The following RYR3 variants were observed in gnomAD, a reference collection of about 807,000 sequenced individuals.
RYR3 encodes ryanodine receptor 3, also known as brain ryanodine receptor-calcium release channel.
Under a neutral mutation model 584.3 loss-of-function variants are expected in RYR3, and 207 were observed. The ratio of observed to expected loss-of-function variants is 0.35; its 90% CI spans 0.32 to 0.40. The LOEUF (loss-of-function observed/expected upper bound fraction) is 0.40. Ranked by LOEUF, RYR3 falls within the 10% of genes least tolerant of loss-of-function variation. RYR3 has a pLI of 1.00. For synonymous variants in RYR3, 2,416 were observed against 2,248.5 expected, an observed-to-expected ratio of 1.07 and a Z score of -2.11; for missense variants, 5,616 against 6,089.2, an observed-to-expected ratio of 0.92 and a Z score of 2.59.
At chr15:33,687,584 A>C (rs1188359568) in intron 38 of RYR3, among the ~76,000 whole-genome samples, 1 of 152,204 alleles carries the variant, frequency 6.6e-6, no homozygotes, top group African/African-American at 2.4e-5. Context: ...ATATGGAACC[A>C]AAAAAGAGCC....
intron 98 of RYR3, 31 bp from the exon 99 acceptor site, chr15:33,857,749 C>G (rs754825665): frequency 4.3e-6 from 7 of 1,613,436 alleles, no homozygotes; most frequent in Non-Finnish European, 5.9e-6. Flanking sequence ...AGACCCCACT[C>G]CTTTTCCTTT....
chr15:33,475,921 AC>A (rs1324274298), intron 2 of RYR3, among the ~76,000 whole-genome samples: 2 of 152,206 alleles, frequency 1.3e-5, no homozygotes, highest in African/African-American at 2.4e-5. Context: ...AATAAGGAAA[AC>A]TAATTACCTT....
intron 42 of RYR3, among the ~76,000 whole-genome samples, chr15:33,703,909 TATG>T (rs1262816729): frequency 3.3e-5 from 5 of 152,104 alleles, no homozygotes; most frequent in South Asian, 4.2e-4. Context: ...CCTTATCAAA[TATG>T]ATGTTTATCA....
chr15:33,385,291 CT>C (rs1002932200), intron 1 of RYR3, among the ~76,000 whole-genome samples: 13 of 151,670 alleles, frequency 8.6e-5, no homozygotes, highest in South Asian at 2.1e-4. Flanking sequence ...CTTAATAGTA[CT>C]TTTTTTTTCC....
At chr15:33,853,181 T>A (rs931750362) in intron 95 of RYR3, 94 bp downstream of exon 95, 1 of 1,093,008 alleles carries the variant, frequency 9.1e-7, no homozygotes, top group Non-Finnish European at 1.3e-6. Context: ...GTAAATGTGA[T>A]GCTACTTTTA....
At chr15:33,612,668 A>G (rs1320838593) in intron 18 of RYR3, among the ~76,000 whole-genome samples, 1 of 152,206 alleles carries the variant, frequency 6.6e-6, no homozygotes, top group Non-Finnish European at 1.5e-5. Flanking sequence ...CCTATGTAGC[A>G]TAGTTTAATG....
intron 49 of RYR3, among the ~76,000 whole-genome samples, chr15:33,736,755 T>C (rs2069503741): frequency 6.8e-6 from 1 of 147,918 alleles, no homozygotes; most frequent in Non-Finnish European, 1.5e-5. Context: ...GTTTTCTACT[T>C]TTTTTTTAAA....
rs1890149999 is a variant in RYR3, at chr15:33,865,358, A to AAATCTGTGCTATTTTGAAATTGATTT, written c.*133_*158dup. ...CCTCCCTTAAAAAAAAAACTGCTGAAAATCTGTGCTATTTTGAAATTGATT... is the reference window on the plus strand; with the variant it reads ...CCTCCCTTAAAAAAAAAACTGCTGAAAATCTGTGCTATTTTGAAATTGATTTAATCTGTGCTATTTTGAAATTGATT... On this transcript the variant is annotated 3_prime_UTR_variant, in exon 104 of 104. Transcript: ENST00000634891. 33 of 656,684 alleles carry AAATCTGTGCTATTTTGAAATTGATTT rather than the reference A, an allele frequency of 5.0e-5. 1 individual carries two copies. The South Asian group carries it at 6.0e-4, about 12-fold the overall frequency. The allele number at this position is 656,684 out of a possible 1,614,324, so 40.7% of individuals were successfully genotyped here. A position where few individuals can be genotyped will look rare whatever the true frequency, so the allele number is the denominator to read the frequency against.
chr15:33,639,540 G>T (rs569729055), intron 27 of RYR3, among the ~76,000 whole-genome samples: 34 of 152,258 alleles, frequency 2.2e-4, no homozygotes, highest in African/African-American at 6.5e-4. Context: ...AACATTTCAT[G>T]CATTGTAGCG....
chr15:33,533,624 A>G (rs891585284), intron 5 of RYR3, among the ~76,000 whole-genome samples: 6 of 152,260 alleles, frequency 3.9e-5, no homozygotes, highest in African/African-American at 1.4e-4. Flanking sequence ...AATCTCAAAG[A>G]AAAACAAATC....
chr15:33,424,664 C>A (rs1015968488), intron 1 of RYR3, among the ~76,000 whole-genome samples: 2 of 152,166 alleles, frequency 1.3e-5, no homozygotes, highest in Non-Finnish European at 2.9e-5. Flanking sequence ...TGAAGCCCCA[C>A]CTGGCATATA....
At chr15:33,738,692 T>C in intron 50 of RYR3, 102 bp downstream of exon 50, 1 of 1,285,670 alleles carries the variant, frequency 7.8e-7, no homozygotes, top group Non-Finnish European at 1.1e-6. Flanking sequence ...TGCCAGGACC[T>C]GTGCTAAGTA....
At chr15:33,425,830 G>A (rs2141663270) in intron 1 of RYR3, among the ~76,000 whole-genome samples, 1 of 151,860 alleles carries the variant, frequency 6.6e-6, no homozygotes, top group Admixed American at 6.6e-5. Flanking sequence ...TTTTAGTAGA[G>A]ACGGGGTTTC....
At chr15:33,778,831 G>A (rs929585961) in intron 64 of RYR3, among the ~76,000 whole-genome samples, 5 of 152,212 alleles carry the variant, frequency 3.3e-5, no homozygotes, top group African/African-American at 1.2e-4. Context: ...AGAAGAGATT[G>A]CCTGACTGAG....
intron 6 of RYR3, among the ~76,000 whole-genome samples, chr15:33,540,010 A>G (rs2055680886): frequency 6.6e-6 from 1 of 152,108 alleles, no homozygotes; most frequent in African/African-American, 2.4e-5. Flanking sequence ...GTGTTGTTCA[A>G]TAGTCAACTG....
intron 60 of RYR3, among the ~76,000 whole-genome samples, chr15:33,767,330 A>G (rs1232479087): frequency 6.6e-6 from 1 of 150,458 alleles, no homozygotes; most frequent in Non-Finnish European, 1.5e-5. Flanking sequence ...AAAAAAAACC[A>G]TGGGAAGAAA....
chr15:33,389,082 TGGGGGGA>T (rs1468637503), intron 1 of RYR3, among the ~76,000 whole-genome samples: 1 of 71,600 alleles, frequency 1.4e-5, no homozygotes, highest in Non-Finnish European at 2.5e-5. Flanking sequence ...TGTTTTGGGG[TGGGGGGA>T]GGGGGGAGGG....
At chr15:33,440,970 TGTG>T (rs1289695515) in intron 1 of RYR3, among the ~76,000 whole-genome samples, 6 of 152,234 alleles carry the variant, frequency 3.9e-5, no homozygotes, top group African/African-American at 1.2e-4. Context: ...GGCTCTTTCT[TGTG>T]GTGGTAACGA....
chr15:33,636,719 G>A (rs1021364124), intron 27 of RYR3, among the ~76,000 whole-genome samples, 169 bp downstream of exon 27: 1 of 152,166 alleles, frequency 6.6e-6, no homozygotes. Flanking sequence ...AAGAATTAGG[G>A]GAGATAATAG....
Sources: allele counts gnomAD v4.1 joint callset (sites outside exome capture counted in the v4.1 genomes callset), GRCh38; gene constraint gnomAD v4.1.1; transcripts MANE v1.5; gene names NCBI Gene and HGNC (gene_info 2026-07-23, HGNC 2026-07-21).